NCBP3: variants seen among roughly 807,000 people sequenced by gnomAD.
The protein encoded by NCBP3 is nuclear cap-binding protein subunit 3.
In NCBP3, 20 loss-of-function variants were observed where a neutral mutation model predicts 75.7. That is an observed-to-expected ratio of 0.26 (90% CI 0.19 to 0.38). The LOEUF (loss-of-function observed/expected upper bound fraction) is 0.38, where lower values mean the gene tolerates loss of function less well. Among genes scored for constraint, NCBP3 ranks in the 10% least tolerant of loss-of-function variants. The probability of loss-of-function intolerance (pLI) is 1.00; values close to 1 mark genes in which losing one functional copy is unlikely to be tolerated. For synonymous variants in NCBP3, 293 were observed against 290.5 expected (o/e 1.01, Z -0.09); for missense variants, 678 against 796.9 (o/e 0.85, Z 1.80).
intron 9 of NCBP3, among the ~76,000 whole-genome samples, chr17:3,820,296 T>C (rs975491315): frequency 1.3e-5 from 2 of 151,242 alleles, no homozygotes; most frequent in African/African-American, 4.9e-5. Flanking sequence ...ATTTTGTATA[T>C]ACACATTAAA....
intron 3 of NCBP3, among the ~76,000 whole-genome samples, chr17:3,835,704 A>C (rs1204880974): frequency 6.6e-6 from 1 of 152,260 alleles, no homozygotes; most frequent in Non-Finnish European, 1.5e-5. Context: ...GTTTGCCAAA[A>C]GGCCTGCAGG....
chr17:3,807,669 A>C lies in NCBP3; in HGVS notation c.*5375T>G, dbSNP rs1283076736. 6.6e-6 allele frequency: 1 copy of C among 152,250 alleles called. No homozygotes were observed. The highest frequency in any genetic ancestry group is 1.5e-5 in the Non-Finnish European group (1 of 68,050). The allele number at this position is 152,250 out of a possible 1,614,324, so 9.4% of individuals were successfully genotyped here. ...GAAAGGAAAATACAACATGAAAATA[A>C]AGCATTGTACGTACATGGCAGAAAA... On this transcript the variant is annotated 3_prime_UTR_variant, in exon 13 of 13. Transcript: ENST00000389005.
chr17:3,832,680 G>A (rs1383090022), intron 3 of NCBP3, among the ~76,000 whole-genome samples: 2 of 151,804 alleles, frequency 1.3e-5, no homozygotes, highest in East Asian at 1.9e-4. Flanking sequence ...AGGATTTAAT[G>A]TCTATTACTA....
Position 3,806,328 on chromosome 17 carries a change from C to T in NCBP3, c.*6716G>A, listed in dbSNP as rs1192848416. 6.6e-6 allele frequency: 1 copy of T among 152,354 alleles called. No homozygotes were observed. Among genetic ancestry groups the T allele is most frequent in the African/African-American group, 2.4e-5 (1 of 41,462 alleles). 9.4% of individuals were successfully genotyped at this position (152,354 alleles called of 1,614,324 possible). ...TCCTGACCTCAGGTGATCCACCCGC[C>T]TCGGCCTCCCAAAGTGCTGGGATTA... On this transcript the variant is annotated 3_prime_UTR_variant, in exon 13 of 13. Coordinates refer to ENST00000389005, the MANE Select transcript of NCBP3 (RefSeq NM_001114118.3).
Position 3,808,271 on chromosome 17 carries a change from C to T in NCBP3, c.*4773G>A, listed in dbSNP as rs892618774. 1 of 152,228 alleles carries T rather than the reference C, an allele frequency of 6.6e-6. No homozygotes were observed. Among genetic ancestry groups the T allele is most frequent in the Non-Finnish European group, 1.5e-5 (1 of 68,050 alleles). The allele number at this position is 152,228 out of a possible 1,614,324, so 9.4% of individuals were successfully genotyped here. A position where few individuals can be genotyped will look rare whatever the true frequency, so the allele number is the denominator to read the frequency against. ...AAACAGTAATGTGTTCCCACATGGGCAAGAAATGACTACATGGGACCTCAA... is the reference window on the plus strand; with the variant it reads ...AAACAGTAATGTGTTCCCACATGGGTAAGAAATGACTACATGGGACCTCAA... On this transcript the variant is annotated 3_prime_UTR_variant, in exon 13 of 13. Coordinates refer to ENST00000389005, the MANE Select transcript of NCBP3 (RefSeq NM_001114118.3).
Position 3,840,094 on chromosome 17 carries a change from C to G in NCBP3, c.355+6G>C. 1 of 1,549,708 alleles carries G rather than the reference C, an allele frequency of 6.5e-7. No homozygotes were observed. The highest frequency in any genetic ancestry group is 2.0e-5 in the Admixed American group (1 of 50,966). On this transcript the variant is annotated splice_donor_region_variant and intron_variant, in intron 3 of 12. Transcript: ENST00000389005. ...GTGGACAAATTTCCCACAAAACACC[C>G]TGTACCTTTCTTCATCATGTCTCGG...
rs1227737447 is a variant in NCBP3 at position 3,809,239 on chromosome 17, G to A, written c.*3805C>T. The A allele has an allele frequency of 4.6e-5, 7 of 152,202 alleles. No homozygotes were observed. Among genetic ancestry groups the A allele is most frequent in the Admixed American group, 3.9e-4 (6 of 15,278 alleles). 9.4% of individuals were successfully genotyped at this position (152,202 alleles called of 1,614,324 possible). On this transcript the variant is annotated 3_prime_UTR_variant, in exon 13 of 13. Coordinates refer to ENST00000389005, the MANE Select transcript of NCBP3 (RefSeq NM_001114118.3). ...AAACTGGAACCCTCGCACACTGCTG[G>A]TGGAATGGAAAATGATACAGCTGCT...
In NCBP3 at chr17:3,839,245, T is replaced by C. The variant is rs575147543; in HGVS notation, c.355+855A>G. Reference sequence around the variant, plus strand: ...TCAAATCAAATCACAAGTCCAACTGTAAGCGCAGGCTTAAAACTCAGGGCA... The same window carrying C: ...TCAAATCAAATCACAAGTCCAACTGCAAGCGCAGGCTTAAAACTCAGGGCA... On this transcript the variant is annotated intron_variant, in intron 3 of 12. Coordinates refer to ENST00000389005, the MANE Select transcript of NCBP3 (RefSeq NM_001114118.3). Among the ~76,000 whole-genome samples the C allele has an allele frequency of 3.3e-5, 5 of 152,338 alleles. No homozygotes were observed. The South Asian group carries it at 8.3e-4, about 25-fold the overall frequency.
intron 7 of NCBP3, 182 bp from the exon 8 acceptor site, chr17:3,822,234 T>A (rs2053681253): frequency 1.9e-6 from 1 of 527,938 alleles, no homozygotes; most frequent in Non-Finnish European, 3.3e-6. Context: ...GTAGAGGGGA[T>A]AAAGCAAAAT....
Position 3,809,084 on chromosome 17 carries a change from G to C in NCBP3, c.*3960C>G, listed in dbSNP as rs1164679442. The stretch of plus-strand genomic sequence containing the variant: ...GGATCACTTGAGGCCAGGAGTGCTA[G>C]ACGGCCTGGGCAACATAACGAAACC... On this transcript the variant is annotated 3_prime_UTR_variant, in exon 13 of 13. Transcript: ENST00000389005. The C allele has an allele frequency of 6.6e-6, 1 of 152,072 alleles. No individual in the cohort carries two copies. The highest frequency in any genetic ancestry group is 1.5e-5 in the Non-Finnish European group (1 of 68,020). 9.4% of individuals were successfully genotyped at this position (152,072 alleles called of 1,614,324 possible). A position where few individuals can be genotyped will look rare whatever the true frequency, so the allele number is the denominator to read the frequency against.
intron 3 of NCBP3, among the ~76,000 whole-genome samples, chr17:3,831,955 G>A (rs1474287790): frequency 1.6e-5 from 2 of 121,920 alleles, no homozygotes; most frequent in African/African-American, 2.5e-5. Context: ...AGGCCAAGGC[G>A]GGTGGATCAC....
chr17:3,840,122 C>G lies in NCBP3; in HGVS notation c.333G>C (p.Leu111Phe). Residue 111 changes from leucine to phenylalanine, a missense_variant, in exon 3 of 13, where the codon TTG (leucine) becomes TTC (phenylalanine). This residue lies in a region of NCBP3 where 40 missense variants were observed against 41.3 expected (regional missense o/e 0.97). Coordinates refer to ENST00000389005, the MANE Select transcript of NCBP3 (RefSeq NM_001114118.3). ...EVNLAQRNVA[L>F]DRDMMKKAIP... is the part of the protein sequence containing the mutation. ...TACCTTTCTTCATCATGTCTCGGTCCAAGGCTACATTTCTTTGGGCAAGAT... is the reference window on the plus strand; with the variant it reads ...TACCTTTCTTCATCATGTCTCGGTCGAAGGCTACATTTCTTTGGGCAAGAT... The G allele has an allele frequency of 6.4e-7, 1 of 1,551,536 alleles. No homozygotes were observed. The highest frequency in any genetic ancestry group is 8.7e-7 in the Non-Finnish European group (1 of 1,146,906).
rs530713090 is a variant in NCBP3, at chr17:3,802,435, C to T, written c.*10609G>A. ...TGCTCTGACAAAGTGCTTATGACTA[C>T]TAGATCTTGCTCGGTTATGTGAGAT... On this transcript the variant is annotated 3_prime_UTR_variant, in exon 13 of 13. Transcript: ENST00000389005. 6.6e-6 allele frequency: 1 copy of T among 152,236 alleles called. No individual in the cohort carries two copies. Among genetic ancestry groups the T allele is most frequent in the Non-Finnish European group, 1.5e-5 (1 of 68,054 alleles). The allele number at this position is 152,236 out of a possible 1,614,324, so 9.4% of individuals were successfully genotyped here.
rs1359536046 is a variant in NCBP3 at position 3,812,192 on chromosome 17, A to T, written c.*852T>A. The T allele has an allele frequency of 6.6e-6, 1 of 152,418 alleles. No individual in the cohort carries two copies. The highest frequency in any genetic ancestry group is 2.4e-5 in the African/African-American group (1 of 41,454). 9.4% of individuals were successfully genotyped at this position (152,418 alleles called of 1,614,324 possible). ...ATTTAACAGCACAAAAGACGACACC[A>T]CTTGAGCTTCCCCTTTAGCCAACAG... On this transcript the variant is annotated 3_prime_UTR_variant, in exon 13 of 13. Coordinates refer to ENST00000389005, the MANE Select transcript of NCBP3 (RefSeq NM_001114118.3).
intron 10 of NCBP3, among the ~76,000 whole-genome samples, chr17:3,817,734 A>T (rs928296894): frequency 4.6e-5 from 7 of 152,236 alleles, no homozygotes; most frequent in African/African-American, 1.7e-4. Flanking sequence ...GACTTTGAGG[A>T]ATTTATTGAG....
rs900708933 is a variant in NCBP3, at chr17:3,810,118, A to G, written c.*2926T>C. The G allele has an allele frequency of 2.0e-4, 31 of 152,380 alleles. No individual in the cohort carries two copies. Among genetic ancestry groups the G allele is most frequent in the African/African-American group, 7.0e-4 (29 of 41,590 alleles). The allele number at this position is 152,380 out of a possible 1,614,324, so 9.4% of individuals were successfully genotyped here. ...ACTGTAAATATACTAAAAGCCACTC[A>G]AGTGTACACTTTAAATGGCTGAACT... On this transcript the variant is annotated 3_prime_UTR_variant, in exon 13 of 13. Coordinates refer to ENST00000389005, the MANE Select transcript of NCBP3 (RefSeq NM_001114118.3).
Position 3,806,812 on chromosome 17 carries a change from G to C in NCBP3, c.*6232C>G, listed in dbSNP as rs1232726007. The C allele has an allele frequency of 6.6e-6, 1 of 151,692 alleles. No homozygotes were observed. Among genetic ancestry groups the C allele is most frequent in the African/African-American group, 2.4e-5 (1 of 41,276 alleles). 9.4% of individuals were successfully genotyped at this position (151,692 alleles called of 1,614,324 possible). A position where few individuals can be genotyped will look rare whatever the true frequency, so the allele number is the denominator to read the frequency against. ...GTTGTAGATATTTATTGTGGGTCTG[G>C]TTATGCAAGAACAATCTTCCTGGAC... On this transcript the variant is annotated 3_prime_UTR_variant, in exon 13 of 13. Transcript: ENST00000389005.
intron 10 of NCBP3, among the ~76,000 whole-genome samples, chr17:3,817,740 T>C (rs1178481219): frequency 1.3e-5 from 2 of 152,224 alleles, no homozygotes; most frequent in Non-Finnish European, 2.9e-5. Flanking sequence ...GAGGAATTTA[T>C]TGAGTTAGTG....
chr17:3,806,541 T>A lies in NCBP3; in HGVS notation c.*6503A>T, dbSNP rs914521420. 1 of 152,186 alleles carries A rather than the reference T, an allele frequency of 6.6e-6. No individual in the cohort carries two copies. The highest frequency in any genetic ancestry group is 2.4e-5 in the African/African-American group (1 of 41,446). The allele number at this position is 152,186 out of a possible 1,614,324, so 9.4% of individuals were successfully genotyped here. A position where few individuals can be genotyped will look rare whatever the true frequency, so the allele number is the denominator to read the frequency against. On this transcript the variant is annotated 3_prime_UTR_variant, in exon 13 of 13. Coordinates refer to ENST00000389005, the MANE Select transcript of NCBP3 (RefSeq NM_001114118.3). ...TTGCTCAAATGAACAGTAAGAATCC[T>A]GAGGCAGGGTACTGACCTTGGTAGG...
Sources: gnomAD v4.1 joint callset for allele counts (sites outside exome capture counted in the v4.1 genomes callset) on GRCh38, gnomAD v4.1.1 for gene constraint, gnomAD v4.1.1 regional missense constraint, MANE v1.5 for transcripts, NCBI Gene and HGNC (gene_info 2026-07-23, HGNC 2026-07-21) for gene names.